RASGRP3: variants seen among roughly 807,000 people sequenced by gnomAD.
RASGRP3 encodes RAS guanyl releasing protein 3, also known as ras guanyl-releasing protein 3.
Under a neutral mutation model 82.7 loss-of-function variants are expected in RASGRP3, and 54 were observed. That is an observed-to-expected ratio of 0.65 (90% confidence interval 0.52 to 0.82). The LOEUF is 0.82. RASGRP3 is among the 40% of genes least tolerant of loss of function. The pLI, the probability that RASGRP3 is intolerant of heterozygous loss-of-function variation, is 0.00. For missense variants in RASGRP3, 861 were observed against 828.9 expected, an observed-to-expected ratio of 1.04 and a Z score of -0.48; for synonymous variants, 309 against 300.5, an observed-to-expected ratio of 1.03 and a Z score of -0.29.
chr2:33,464,097 TA>T (rs1666538459), intron 2 of RASGRP3, among the ~76,000 whole-genome samples: 1 of 42,164 alleles, frequency 2.4e-5, no homozygotes, highest in Non-Finnish European at 4.9e-5. Context: ...TATTCAAACT[TA>T]ATAATAATAA....
At chr2:33,555,252 G>A (rs536539161) in intron 14 of RASGRP3, 7 of 274,274 alleles carry the variant, frequency 2.6e-5, no homozygotes, top group Non-Finnish European at 4.8e-5. Flanking sequence ...TGCTGAGAGC[G>A]CATCAGGCCA....
At chr2:33,537,930 A>G (rs1303352618) in intron 11 of RASGRP3, among the ~76,000 whole-genome samples, 2 of 152,234 alleles carry the variant, frequency 1.3e-5, no homozygotes, top group Non-Finnish European at 2.9e-5. Context: ...AAAGAGGGCC[A>G]GAGAGACCTA....
intron 10 of RASGRP3, 56 bp from the exon 11 acceptor site, chr2:33,534,267 G>T: frequency 8.1e-7 from 1 of 1,237,746 alleles, no homozygotes; most frequent in South Asian, 1.3e-5. Context: ...ATTCAGCAAC[G>T]TAAATAAATA....
chr2:33,436,790 A>G (rs1664946210), intron 1 of RASGRP3, among the ~76,000 whole-genome samples: 1 of 152,196 alleles, frequency 6.6e-6, no homozygotes, highest in Admixed American at 6.5e-5. Flanking sequence ...AATATTTTAA[A>G]AAGTTGTTTC....
At chr2:33,468,414 T>G (rs1406053513) in intron 2 of RASGRP3, among the ~76,000 whole-genome samples, 2 of 152,182 alleles carry the variant, frequency 1.3e-5, no homozygotes, top group Admixed American at 6.5e-5. Context: ...ACATTTTTTT[T>G]TTTTTGAGAC....
At chr2:33,524,158 A>C in intron 8 of RASGRP3, 106 bp downstream of exon 8, 1 of 1,290,526 alleles carries the variant, frequency 7.7e-7, no homozygotes, top group Non-Finnish European at 1.1e-6. Context: ...GGCATCGGAC[A>C]ACTAAACTAC....
chr2:33,515,986 T>C (rs866059482), intron 3 of RASGRP3, among the ~76,000 whole-genome samples: 14 of 152,242 alleles, frequency 9.2e-5, no homozygotes, highest in African/African-American at 3.4e-4. Context: ...AAATTTATCA[T>C]TGTTTCTCTT....
intron 2 of RASGRP3, among the ~76,000 whole-genome samples, chr2:33,513,637 C>T (rs1179086012): frequency 6.6e-6 from 1 of 152,210 alleles, no homozygotes; most frequent in East Asian, 1.9e-4. Context: ...TGACAGCCTC[C>T]CTCCTGCTCC....
chr2:33,515,030 A>G lies in RASGRP3; in HGVS notation c.-107A>G. On this transcript the variant is annotated 5_prime_UTR_variant, in exon 3 of 18. An upstream open reading frame in the 5' UTR loses its in-frame stop. Coordinates refer to ENST00000403687, the MANE Select transcript of RASGRP3 (RefSeq NM_001139488.2). Reference sequence around the variant, plus strand: ...TTTAGAGTTTTCTTGAAGTACAACTAAGGACAGGTCACCACTAGGCACTAA... The same window carrying G: ...TTTAGAGTTTTCTTGAAGTACAACTGAGGACAGGTCACCACTAGGCACTAA... 1 of 1,023,824 alleles carries G rather than the reference A, an allele frequency of 9.8e-7. No individual in the cohort carries two copies. The highest frequency in any genetic ancestry group is 2.0e-4 in the Middle Eastern group (1 of 4,908). 63.4% of individuals were successfully genotyped at this position (1,023,824 alleles called of 1,614,324 possible).
intron 1 of RASGRP3, among the ~76,000 whole-genome samples, chr2:33,480,129 G>A (rs560181423): frequency 1.9e-4 from 27 of 139,576 alleles, no homozygotes; most frequent in East Asian, 8.7e-4. Flanking sequence ...TGCAAGCTCC[G>A]CCTCCAGGAT....
chr2:33,471,333 A>C (rs1574272153), intron 2 of RASGRP3, among the ~76,000 whole-genome samples: 3 of 132,668 alleles, frequency 2.3e-5, no homozygotes, highest in South Asian at 2.4e-4. Flanking sequence ...CTGCCATCAC[A>C]CTGGGCTATT....
At chr2:33,483,740 C>T (rs1171317868) in intron 1 of RASGRP3, among the ~76,000 whole-genome samples, 8 of 152,108 alleles carry the variant, frequency 5.3e-5, no homozygotes, top group Admixed American at 1.3e-4. Flanking sequence ...CCGCCTGCCT[C>T]GGCCTCCCAA....
At chr2:33,463,860 G>A (rs1350511193) in intron 2 of RASGRP3, among the ~76,000 whole-genome samples, 2 of 151,560 alleles carry the variant, frequency 1.3e-5, no homozygotes, top group African/African-American at 2.4e-5. Flanking sequence ...TCGGCCTCCC[G>A]AAGTGCTGGG....
intron 1 of RASGRP3, among the ~76,000 whole-genome samples, chr2:33,490,495 T>C (rs141830587): frequency 1.3e-5 from 2 of 152,324 alleles, no homozygotes; most frequent in African/African-American, 4.8e-5. Context: ...TGCAGTAGCA[T>C]TCAACATGAT....
intron 1 of RASGRP3, among the ~76,000 whole-genome samples, chr2:33,493,532 T>C (rs755719679): frequency 1.3e-5 from 2 of 152,044 alleles, no homozygotes; most frequent in South Asian, 2.1e-4. Flanking sequence ...CAGGAGTAAA[T>C]GAACAGTGTC....
chr2:33,535,788 C>A (rs936806656), intron 11 of RASGRP3, among the ~76,000 whole-genome samples: 2 of 152,176 alleles, frequency 1.3e-5, no homozygotes, highest in African/African-American at 4.8e-5. Flanking sequence ...AGAAAGCTAG[C>A]AAGAAAGCCA....
intron 1 of RASGRP3, among the ~76,000 whole-genome samples, chr2:33,442,057 A>C (rs1665252682): frequency 6.6e-6 from 1 of 152,324 alleles, no homozygotes; most frequent in South Asian, 2.1e-4. Context: ...GAAGTCTACA[A>C]AATTATGTAT....
chr2:33,459,167 C>G (rs1418069186), intron 2 of RASGRP3, among the ~76,000 whole-genome samples: 1 of 152,060 alleles, frequency 6.6e-6, no homozygotes, highest in African/African-American at 2.4e-5. Flanking sequence ...CGCTCTGTCG[C>G]TCTGTTGCCC....
upstream of RASGRP3, chr2:33,476,435 G>A (rs2150925055): frequency 6.6e-6 from 1 of 152,316 alleles, no homozygotes; most frequent in Middle Eastern, 3.4e-3. Flanking sequence ...GTCACTAAAG[G>A]AAAACAAATT....
Sources: allele counts gnomAD v4.1 joint callset (sites outside exome capture counted in the v4.1 genomes callset), GRCh38; gene constraint gnomAD v4.1.1; transcripts MANE v1.5; gene names NCBI Gene and HGNC (gene_info 2026-07-23, HGNC 2026-07-21).